Variants in MSI2 observed in about 807,000 individuals in gnomAD.
MSI2 encodes the protein RNA-binding protein Musashi homolog 2.
A neutral mutation model predicts 45.6 loss-of-function variants in MSI2; 17 were observed. The ratio of observed to expected loss-of-function variants is 0.37; its 90% CI spans 0.26 to 0.56. MSI2 has a LOEUF of 0.56. Among genes scored for constraint, MSI2 ranks in the 20% least tolerant of loss-of-function variants. The pLI, the probability that MSI2 is intolerant of heterozygous loss-of-function variation, is 0.77. For synonymous variants in MSI2, 156 were observed against 158.2 expected (o/e 0.99, Z 0.11); for missense variants, 293 against 444.2 (o/e 0.66, Z 3.06).
intron 7 of MSI2, among the ~76,000 whole-genome samples, chr17:57,548,333 T>A (rs900190508): frequency 2.7e-5 from 4 of 150,114 alleles, no homozygotes; most frequent in African/African-American, 4.9e-5. Flanking sequence ...TTAATTCGTT[T>A]AAAAAAAAAA....
chr17:57,641,410 T>G (rs1910253335), intron 10 of MSI2, among the ~76,000 whole-genome samples: 1 of 151,810 alleles, frequency 6.6e-6, no homozygotes, highest in Non-Finnish European at 1.5e-5. Context: ...GACATGAAGC[T>G]GGGGAGAAAG....
At chr17:57,354,469 A>G (rs1916274495) in intron 5 of MSI2, among the ~76,000 whole-genome samples, 1 of 152,170 alleles carries the variant, frequency 6.6e-6, no homozygotes, top group African/African-American at 2.4e-5. Context: ...TTACATTCTA[A>G]GAGAGATGAT....
chr17:57,433,838 T>G (rs2084644100), intron 6 of MSI2, among the ~76,000 whole-genome samples: 1 of 152,244 alleles, frequency 6.6e-6, no homozygotes, highest in African/African-American at 2.4e-5. Context: ...TCTGGCCCCC[T>G]CCTTCTCTGT....
chr17:57,602,159 G>A (rs568354351), intron 8 of MSI2, among the ~76,000 whole-genome samples: 1 of 152,084 alleles, frequency 6.6e-6, no homozygotes, highest in Non-Finnish European at 1.5e-5. Context: ...GGCTTTGAAT[G>A]TAGCCCAATG....
At chr17:57,617,399 A>G (rs755899855) in intron 9 of MSI2, among the ~76,000 whole-genome samples, 128 of 152,348 alleles carry the variant, frequency 8.4e-4, no homozygotes, top group Non-Finnish European at 1.5e-3. Flanking sequence ...TGAGAATGTA[A>G]CACAAAGCTA....
At chr17:57,640,009 G>A (rs997930372) in intron 10 of MSI2, among the ~76,000 whole-genome samples, 3 of 152,168 alleles carry the variant, frequency 2.0e-5, no homozygotes, top group Non-Finnish European at 4.4e-5. Flanking sequence ...CTGCTTGTTG[G>A]GAACAGAGCA....
chr17:57,515,756 G>A (rs2086458461), intron 6 of MSI2, among the ~76,000 whole-genome samples: 1 of 152,096 alleles, frequency 6.6e-6, no homozygotes, highest in African/African-American at 2.4e-5. Flanking sequence ...ACAGATAAGG[G>A]ATAGATATTT....
At chr17:57,518,546 C>G (rs1453490213) in intron 6 of MSI2, among the ~76,000 whole-genome samples, 1 of 152,164 alleles carries the variant, frequency 6.6e-6, no homozygotes, top group Non-Finnish European at 1.5e-5. Flanking sequence ...TCGTGGAGAT[C>G]CATTTTGGCA....
intron 5 of MSI2, among the ~76,000 whole-genome samples, chr17:57,382,832 A>G (rs889022666): frequency 6.6e-5 from 10 of 152,250 alleles, no homozygotes; most frequent in African/African-American, 2.4e-4. Flanking sequence ...TGAGAAAGCA[A>G]AAGTCTAATA....
chr17:57,632,982 T>C, intron 10 of MSI2: 2 of 1,050,562 alleles, frequency 1.9e-6, no homozygotes, highest in Non-Finnish European at 2.3e-6. Flanking sequence ...CTGTATGGCT[T>C]TTCCCCATCT....
chr17:57,273,464 A>ATT (rs752793064), intron 5 of MSI2, among the ~76,000 whole-genome samples: 30 of 100,786 alleles, frequency 3.0e-4, no homozygotes, highest in African/African-American at 7.1e-4. Context: ...GTTAAAAATG[A>ATT]TTTTTTTTTT....
chr17:57,390,493 T>C (rs753399966), intron 5 of MSI2, among the ~76,000 whole-genome samples: 2 of 152,204 alleles, frequency 1.3e-5, no homozygotes, highest in Non-Finnish European at 2.9e-5. Flanking sequence ...ATTGAGAACC[T>C]CTGCACTACA....
At chr17:57,700,690 G>A in the MSI2 span, among the ~76,000 whole-genome samples, 2 of 152,132 alleles carry the variant, frequency 1.3e-5, no homozygotes, top group East Asian at 3.9e-4. Context: ...ATCACCTGAG[G>A]TCAGGAGTTC....
At chr17:57,696,796 G>T in the MSI2 span, among the ~76,000 whole-genome samples, 1 of 152,176 alleles carries the variant, frequency 6.6e-6, no homozygotes, top group South Asian at 2.1e-4. Flanking sequence ...GGGCACTGGG[G>T]TAATATGGAT....
intron 5 of MSI2, among the ~76,000 whole-genome samples, chr17:57,391,240 C>T (rs2083784759): frequency 6.6e-6 from 1 of 152,120 alleles, no homozygotes; most frequent in Admixed American, 6.5e-5. Context: ...GGAGGAGAAG[C>T]TGGGAGAAAG....
chr17:57,505,307 A>T lies in MSI2; in HGVS notation c.406-24369A>T, dbSNP rs559245287. Among the ~76,000 whole-genome samples the T allele has an allele frequency of 4.5e-4, 69 of 152,126 alleles. 1 individual carries two copies. Among genetic ancestry groups the T allele is most frequent in the Middle Eastern group, 6.8e-3 (2 of 294 alleles). The stretch of plus-strand genomic sequence containing the variant: ...GGGTGGGGGCCATGGATCAGGTAGG[A>T]TGGATGACGCCCTGGAGTTTTATGG... On this transcript the variant is annotated intron_variant, in intron 6 of 13. Coordinates refer to ENST00000284073, the MANE Select transcript of MSI2 (RefSeq NM_138962.4).
At chr17:57,672,323 C>A (rs377729358) in intron 11 of MSI2, among the ~76,000 whole-genome samples, 1 of 152,230 alleles carries the variant, frequency 6.6e-6, no homozygotes, top group South Asian at 2.1e-4. Flanking sequence ...AAATTCCCTT[C>A]AGGCCGACTC....
intron 7 of MSI2, among the ~76,000 whole-genome samples, chr17:57,586,849 TAA>T (rs34823246): frequency 5.9e-4 from 87 of 146,784 alleles, no homozygotes; most frequent in Middle Eastern, 3.6e-3. Flanking sequence ...CCCATCTCCT[TAA>T]AAAAAAAAAA....
At chr17:57,258,400 T>C (rs1907014333) in intron 4 of MSI2, 46 bp downstream of exon 4, 1 of 1,491,368 alleles carries the variant, frequency 6.7e-7, no homozygotes, top group Non-Finnish European at 9.4e-7. Context: ...TCAGGAACGA[T>C]CTGGGCATTG....
Sources: gnomAD v4.1 joint callset for allele counts (sites outside exome capture counted in the v4.1 genomes callset) on GRCh38, gnomAD v4.1.1 for gene constraint, MANE v1.5 for transcripts, NCBI Gene and HGNC (gene_info 2026-07-23, HGNC 2026-07-21) for gene names.